Variants in NKAIN3 observed in about 807,000 individuals in gnomAD.
NKAIN3 encodes the protein sodium/potassium-transporting ATPase subunit beta-1-interacting protein 3.
NKAIN3 carries 25 observed loss-of-function variants against 30.2 expected under a neutral mutation model. The ratio of observed to expected loss-of-function variants is 0.83; its 90% CI spans 0.60 to 1.16. NKAIN3 has a LOEUF of 1.16. NKAIN3 is among the 50% of genes most tolerant of loss of function. NKAIN3 has a pLI of 0.00. For synonymous variants in NKAIN3, 91 were observed against 89.6 expected, an observed-to-expected ratio of 1.02 and a Z score of -0.09; for missense variants, 225 against 254.1, an observed-to-expected ratio of 0.89 and a Z score of 0.78.
chr8:62,452,297 G>A (rs1190558091), intron 1 of NKAIN3, among the ~76,000 whole-genome samples: 3 of 152,016 alleles, frequency 2.0e-5, no homozygotes, highest in East Asian at 1.9e-4. Context: ...CCAACATAGC[G>A]AAACCACATC....
rs1025340095 is a variant in NKAIN3 at position 62,362,686 on chromosome 8, C to G, written c.54+113559C>G. 5.3e-5 allele frequency among the ~76,000 whole-genome samples: 8 copies of G among 152,206 alleles called. No homozygotes were observed. The East Asian group carries it at 1.4e-3, about 26-fold the overall frequency. On this transcript the variant is annotated intron_variant, in intron 1 of 6. Transcript: ENST00000623646. ...GTATTGCTAAAAGAAAAACTTCAGCCGAATTAAATTCAAAGGACTTTAATT... is the reference window on the plus strand; with the variant it reads ...GTATTGCTAAAAGAAAAACTTCAGCGGAATTAAATTCAAAGGACTTTAATT...
intron 1 of NKAIN3, among the ~76,000 whole-genome samples, chr8:62,327,402 T>C (rs1369798612): frequency 1.3e-5 from 2 of 152,054 alleles, no homozygotes; most frequent in African/African-American, 2.4e-5. Context: ...AATCTGATGT[T>C]GTGAAGATTT....
At chr8:62,474,524 A>T (rs1448440928) in intron 1 of NKAIN3, among the ~76,000 whole-genome samples, 1 of 152,230 alleles carries the variant, frequency 6.6e-6, no homozygotes, top group East Asian at 1.9e-4. Context: ...ACATGGTCTT[A>T]TAGCCAGAAA....
intron 4 of NKAIN3, chr8:62,856,269 G>C: frequency 1.1e-6 from 1 of 915,758 alleles, no homozygotes; most frequent in Non-Finnish European, 1.8e-6. Context: ...GAAGGCTTGA[G>C]AGCCCTCTGG....
intron 3 of NKAIN3, among the ~76,000 whole-genome samples, chr8:62,738,242 T>G (rs1222269305): frequency 1.3e-5 from 2 of 152,180 alleles, no homozygotes; most frequent in Non-Finnish European, 2.9e-5. Context: ...ATTGTGATTT[T>G]GATTTGCATT....
intron 4 of NKAIN3, among the ~76,000 whole-genome samples, chr8:62,816,526 C>G (rs934914105): frequency 6.6e-6 from 1 of 152,116 alleles, no homozygotes; most frequent in African/African-American, 2.4e-5. Context: ...CCTCTGGAGG[C>G]AGTTTGGCCA....
In NKAIN3 at chr8:62,631,977, T is replaced by C. The variant is rs138210476; in HGVS notation, c.273+42183T>C. On this transcript the variant is annotated intron_variant, in intron 3 of 6. Coordinates refer to ENST00000623646, the MANE Select transcript of NKAIN3 (RefSeq NM_001304533.3). ...CAAGTTAGGCACTGGATAATACATA[T>C]ATTAAAATTATAACACTATGTGCAT... is the stretch of plus-strand genomic sequence containing the variant. Among the ~76,000 whole-genome samples, 512 of 152,276 alleles carry C rather than the reference T, an allele frequency of 3.4e-3. 5 individuals are homozygous for C. The highest frequency in any genetic ancestry group is 0.012 in the African/African-American group (481 of 41,576).
At chr8:62,499,050 C>A (rs1299734380) in intron 1 of NKAIN3, among the ~76,000 whole-genome samples, 1 of 152,094 alleles carries the variant, frequency 6.6e-6, no homozygotes, top group African/African-American at 2.4e-5. Context: ...AATTCAGATT[C>A]TTTGATGCTG....
At chr8:62,364,253 A>G (rs1349998960) in intron 1 of NKAIN3, among the ~76,000 whole-genome samples, 1 of 152,246 alleles carries the variant, frequency 6.6e-6, no homozygotes, top group Non-Finnish European at 1.5e-5. Context: ...GCTCAAGCCT[A>G]TTAACATACA....
chr8:62,637,778 C>T (rs998659728), intron 3 of NKAIN3, among the ~76,000 whole-genome samples: 5 of 152,042 alleles, frequency 3.3e-5, no homozygotes, highest in African/African-American at 1.2e-4. Flanking sequence ...TCCTTCTGTC[C>T]CACACATGAG....
intron 1 of NKAIN3, among the ~76,000 whole-genome samples, chr8:62,285,276 T>C (rs1050624890): frequency 6.6e-5 from 10 of 152,188 alleles, no homozygotes; most frequent in Non-Finnish European, 1.5e-4. Flanking sequence ...AATGCTTCTA[T>C]TGGGTTGTAT....
intron 1 of NKAIN3, among the ~76,000 whole-genome samples, chr8:62,264,649 C>T (rs1812551729): frequency 1.3e-5 from 2 of 152,168 alleles, no homozygotes; most frequent in Non-Finnish European, 2.9e-5. Context: ...AAGTTAGCTA[C>T]AGCTACTGCT....
In NKAIN3 at chr8:62,738,601, C is replaced by CA. The variant is rs3032912; in HGVS notation, c.274-8314dup. 5.5e-3 allele frequency among the ~76,000 whole-genome samples: 686 copies of CA among 124,984 alleles called. 28 individuals are homozygous for CA. Among genetic ancestry groups the CA allele is most frequent in the African/African-American group, 0.01 (338 of 33,654 alleles). The allele number at this position is 124,984 out of a possible 152,430, so 82.0% of individuals were successfully genotyped here. On this transcript the variant is annotated intron_variant, in intron 3 of 6. Coordinates refer to ENST00000623646, the MANE Select transcript of NKAIN3 (RefSeq NM_001304533.3). ...GTGACAGAGCAAGATACTCCATCTC[C>CA]AAAAAAAAAAAAAAAAAGTCCTCTT...
At chr8:62,879,198 G>A (rs1262943772) in intron 4 of NKAIN3, among the ~76,000 whole-genome samples, 4 of 152,054 alleles carry the variant, frequency 2.6e-5, no homozygotes, top group East Asian at 1.9e-4. Context: ...TTTAATGATC[G>A]CCATTCTAAC....
At chr8:62,742,871 C>T (rs1815949817) in intron 3 of NKAIN3, among the ~76,000 whole-genome samples, 1 of 152,106 alleles carries the variant, frequency 6.6e-6, no homozygotes, top group African/African-American at 2.4e-5. Context: ...GCTGGGAAGG[C>T]CTCAGGAAGC....
rs536994224 is a variant in NKAIN3, at chr8:62,392,700, G to A, written c.54+143573G>A. Among the ~76,000 whole-genome samples the A allele has an allele frequency of 4.3e-4, 65 of 152,092 alleles. No individual in the cohort carries two copies. In the South Asian group the frequency reaches 6.7e-3, roughly 16 times the overall value. The stretch of plus-strand genomic sequence containing the variant: ...AAACCTGTGTTGATTAGCTGTCAAA[G>A]TGTTGCATCTGTTTGTCAAGATGAA... On this transcript the variant is annotated intron_variant, in intron 1 of 6. Transcript: ENST00000623646.
At chr8:62,613,900 A>C (rs1052326610) in intron 3 of NKAIN3, among the ~76,000 whole-genome samples, 1 of 152,124 alleles carries the variant, frequency 6.6e-6, no homozygotes, top group Non-Finnish European at 1.5e-5. Context: ...AAATTTATTG[A>C]TAGAATTCTG....
intron 6 of NKAIN3, among the ~76,000 whole-genome samples, chr8:62,958,860 C>A (rs953710552): frequency 3.3e-5 from 5 of 152,148 alleles, no homozygotes; most frequent in Admixed American, 3.3e-4. Flanking sequence ...AGAAGGACAG[C>A]AGCTGGAATT....
intron 1 of NKAIN3, among the ~76,000 whole-genome samples, chr8:62,256,552 G>A (rs894894551): frequency 6.6e-6 from 1 of 152,200 alleles, no homozygotes; most frequent in Admixed American, 6.5e-5. Flanking sequence ...GTTATCAGAG[G>A]GAGTGTCGTG....
Sources: allele counts gnomAD v4.1 joint callset (sites outside exome capture counted in the v4.1 genomes callset), GRCh38; gene constraint gnomAD v4.1.1; transcripts MANE v1.5; gene names NCBI Gene and HGNC (gene_info 2026-07-23, HGNC 2026-07-21).